The following EIF4E1B variants were observed in gnomAD, a reference collection of about 807,000 sequenced individuals.
EIF4E1B encodes eukaryotic translation initiation factor 4E type 1B.
A neutral mutation model predicts 31.3 loss-of-function variants in EIF4E1B; 22 were observed. The ratio of observed to expected loss-of-function variants is 0.70; its 90% CI spans 0.50 to 1.00. The LOEUF (loss-of-function observed/expected upper bound fraction) is 1.00. Among genes scored for constraint, EIF4E1B ranks in the 50% least tolerant of loss-of-function variants. EIF4E1B has a pLI of 0.00. For missense variants in EIF4E1B, 290 were observed against 311.6 expected, an observed-to-expected ratio of 0.93 and a Z score of 0.52; for synonymous variants, 126 against 120.2, an observed-to-expected ratio of 1.05 and a Z score of -0.31.
rs1554151052 is a variant in EIF4E1B, at chr5:176,642,857, C to CCG, written c.15+56_15+57insGC. 16 of 1,276,772 alleles carry CCG rather than the reference C, an allele frequency of 1.3e-5. 2 individuals are homozygous for CCG. The African/African-American group carries it at 2.5e-4, about 20-fold the overall frequency. The allele number at this position is 1,276,772 out of a possible 1,614,324, so 79.1% of individuals were successfully genotyped here. A position where few individuals can be genotyped will look rare whatever the true frequency, so the allele number is the denominator to read the frequency against. Reference sequence around the variant, plus strand: ...GCACCATGGCCCCGCCCTCTCCCCCCCCCCCCCCGCCCCAGGTGGGCGGGG... The same window carrying CCG: ...GCACCATGGCCCCGCCCTCTCCCCCCCGCCCCCCCCGCCCCAGGTGGGCGGGG... On this transcript the variant is annotated intron_variant, in intron 3 of 8. Coordinates refer to ENST00000318682, the MANE Select transcript of EIF4E1B (RefSeq NM_001099408.2).
In EIF4E1B at chr5:176,646,179, C is replaced by T; in HGVS notation, c.*199C>T. On this transcript the variant is annotated 3_prime_UTR_variant, in exon 9 of 9. Transcript: ENST00000318682. The stretch of plus-strand genomic sequence containing the variant: ...GGGGTAGTGGTGGCAGTCTGAGGAC[C>T]TAGCTTGTCCTGGGGCCACAGGACA... 5.5e-6 allele frequency: 3 copies of T among 544,634 alleles called. No individual in the cohort carries two copies. Among genetic ancestry groups the T allele is most frequent in the Admixed American group, 3.1e-5 (1 of 32,294 alleles). 33.7% of individuals were successfully genotyped at this position (544,634 alleles called of 1,614,324 possible). A position where few individuals can be genotyped will look rare whatever the true frequency, so the allele number is the denominator to read the frequency against.
intron 1 of EIF4E1B, among the ~76,000 whole-genome samples, chr5:176,632,118 A>G (rs1246441100): frequency 6.6e-6 from 1 of 152,186 alleles, no homozygotes; most frequent in Non-Finnish European, 1.5e-5. Context: ...TATTTTATGT[A>G]TAAGTACTTA....
At chr5:176,637,451 G>A (rs746602732) in intron 1 of EIF4E1B, among the ~76,000 whole-genome samples, 2 of 152,066 alleles carry the variant, frequency 1.3e-5, no homozygotes, top group East Asian at 1.9e-4. Context: ...AAATAAAAAG[G>A]CCTTGGGGAC....
chr5:176,636,750 C>A (rs527392677), intron 1 of EIF4E1B, among the ~76,000 whole-genome samples: 2 of 152,368 alleles, frequency 1.3e-5, no homozygotes, highest in East Asian at 3.9e-4. Context: ...ACGACGTCCT[C>A]ACGGCAATCC....
intron 1 of EIF4E1B, among the ~76,000 whole-genome samples, chr5:176,640,181 C>T (rs965700245): frequency 2.6e-5 from 4 of 152,194 alleles, no homozygotes; most frequent in East Asian, 3.9e-4. Context: ...GCCACCACGC[C>T]GGGAAGAAGC....
Position 176,645,959 on chromosome 5 carries a change from C to T in EIF4E1B, c.708C>T (p.Ala236=). Residue 236 remains alanine (A), a synonymous_variant, in exon 9 of 9, where the codon GCC becomes GCT. Coordinates refer to ENST00000318682, the MANE Select transcript of EIF4E1B (RefSeq NM_001099408.2). The surrounding 1 kb of genome is among the most constrained non-coding windows in gnomAD (Gnocchi z 5.4). ...CAGCCACCAAGAGCAACTCCCTAGCCAAGAACAAGTTTGTGGTGTGAGGGG... is the reference window on the plus strand; with the variant it reads ...CAGCCACCAAGAGCAACTCCCTAGCTAAGAACAAGTTTGTGGTGTGAGGGG... ...ADTATKSNSL[A]KNKFVV The T allele has an allele frequency of 1.2e-6, 2 of 1,608,724 alleles. No individual in the cohort carries two copies. Among genetic ancestry groups the T allele is most frequent in the Non-Finnish European group, 1.7e-6 (2 of 1,177,522 alleles).
Position 176,645,404 on chromosome 5 carries a change from G to A in EIF4E1B, c.502G>A (p.Glu168Lys). Residue 168 changes from glutamate (E) to lysine (K), a missense_variant, in exon 8 of 9, where the codon GAG becomes AAG. By Grantham distance (56) the Glu-to-Lys change is moderately conservative (BLOSUM62 1). Coordinates refer to ENST00000318682, the MANE Select transcript of EIF4E1B (RefSeq NM_001099408.2). The surrounding 1 kb of genome is among the most constrained non-coding windows in gnomAD (Gnocchi z 5.4). ...GCTGTGTCTGATCGGGGAGAGCTTT[G>A]AGGAACACAGCAGAGAGGTATGTGG... Reference protein sequence around the residue: ...TLLCLIGESFEEHSREVCGAV... With the variant: ...TLLCLIGESFKEHSREVCGAV... 1 of 1,527,392 alleles carries A rather than the reference G, an allele frequency of 6.5e-7. No homozygotes were observed. The allele number at this position is 1,527,392 out of a possible 1,614,324, so 94.6% of individuals were successfully genotyped here. A position where few individuals can be genotyped will look rare whatever the true frequency, so the allele number is the denominator to read the frequency against.
rs910692875 is a variant in EIF4E1B at position 176,646,237 on chromosome 5, G to T, written c.*257G>T. On this transcript the variant is annotated 3_prime_UTR_variant, in exon 9 of 9. Transcript: ENST00000318682. ...GGTGGAAAAAACTCCTGAGGGTGGG[G>T]TGAGTCATGGCGGGGAAGGAGGGCT... 1.4e-5 allele frequency: 6 copies of T among 430,604 alleles called. No individual in the cohort carries two copies. Among genetic ancestry groups the T allele is most frequent in the Non-Finnish European group, 2.6e-5 (6 of 234,996 alleles). The allele number at this position is 430,604 out of a possible 1,614,324, so 26.7% of individuals were successfully genotyped here. A position where few individuals can be genotyped will look rare whatever the true frequency, so the allele number is the denominator to read the frequency against.
At position 176,646,382 on chromosome 5, in the gene EIF4E1B, G is replaced by A. The variant is rs1391585213; in HGVS notation, c.*402G>A. On this transcript the variant is annotated 3_prime_UTR_variant, in exon 9 of 9. Coordinates refer to ENST00000318682, the MANE Select transcript of EIF4E1B (RefSeq NM_001099408.2). Reference sequence around the variant, plus strand: ...TGGGCTCAAGGGCACAGACATTCTGGAGGGTGAACGCCATCATTTGTACAG... The same window carrying A: ...TGGGCTCAAGGGCACAGACATTCTGAAGGGTGAACGCCATCATTTGTACAG... 3 of 187,790 alleles carry A rather than the reference G, an allele frequency of 1.6e-5. No individual in the cohort carries two copies. Among genetic ancestry groups the A allele is most frequent in the Non-Finnish European group, 3.4e-5 (3 of 88,030 alleles). The allele number at this position is 187,790 out of a possible 1,614,324, so 11.6% of individuals were successfully genotyped here.
intron 1 of EIF4E1B, among the ~76,000 whole-genome samples, chr5:176,632,433 T>A (rs1341347857): frequency 6.6e-6 from 1 of 152,198 alleles, no homozygotes; most frequent in Non-Finnish European, 1.5e-5. Flanking sequence ...TTTTTGTATT[T>A]TTAGTAGAGA....
At chr5:176,642,870 C>CCCCCCCCCCCGGG in intron 3 of EIF4E1B, 68 bp downstream of exon 3, 1 of 1,426,050 alleles carries the variant, frequency 7.0e-7, no homozygotes, top group Non-Finnish European at 9.5e-7. Flanking sequence ...CCCCCCGCCC[C>CCCCCCCCCCCGGG]AGGTGGGCGG....
chr5:176,642,417 C>T (rs933809313), intron 2 of EIF4E1B, among the ~76,000 whole-genome samples: 1 of 152,226 alleles, frequency 6.6e-6, no homozygotes, highest in Non-Finnish European at 1.5e-5. Context: ...AATGGGAGAT[C>T]ACTTGAGCCC....
chr5:176,643,588 G>A, intron 4 of EIF4E1B, 51 bp from the exon 5 acceptor site: 3 of 1,542,796 alleles, frequency 1.9e-6, no homozygotes, highest in East Asian at 2.4e-5. Flanking sequence ...TGCCCCGGGG[G>A]TGGACTTGGC....
At chr5:176,636,535 C>G (rs895120205) in intron 1 of EIF4E1B, among the ~76,000 whole-genome samples, 1 of 152,220 alleles carries the variant, frequency 6.6e-6, no homozygotes, top group African/African-American at 2.4e-5. Flanking sequence ...GGGATTCCAG[C>G]CCCGCCTGGG....
At chr5:176,640,664 A>T (rs1365282062) in intron 1 of EIF4E1B, among the ~76,000 whole-genome samples, 2 of 152,128 alleles carry the variant, frequency 1.3e-5, no homozygotes, top group Non-Finnish European at 2.9e-5. Context: ...CTACACAGCA[A>T]TCCAGAGAAC....
In EIF4E1B at chr5:176,643,613, T is replaced by C. The variant is rs1358238262; in HGVS notation, c.201-26T>C. ...GTGGACTTGGCTCTCTGCTTCCTCC[T>C]GGCTGCCTCCCCCTTCCCCTACCAG... On this transcript the variant is annotated intron_variant, in intron 4 of 8. Coordinates refer to ENST00000318682, the MANE Select transcript of EIF4E1B (RefSeq NM_001099408.2). The C allele has an allele frequency of 3.2e-6, 5 of 1,583,250 alleles. No homozygotes were observed. The South Asian group carries it at 3.4e-5, about 11-fold the overall frequency.
intron 4 of EIF4E1B, 27 bp from the exon 5 acceptor site, chr5:176,643,612 C>T (rs1760636758): frequency 6.3e-7 from 1 of 1,581,834 alleles, no homozygotes; most frequent in African/African-American, 1.3e-5. Flanking sequence ...CTGCTTCCTC[C>T]TGGCTGCCTC....
intron 1 of EIF4E1B, among the ~76,000 whole-genome samples, chr5:176,636,348 CTT>C (rs1439357810): frequency 6.6e-6 from 1 of 152,250 alleles, no homozygotes; most frequent in Non-Finnish European, 1.5e-5. Flanking sequence ...TCTGTTCTCT[CTT>C]TCCCCAGGAA....
intron 5 of EIF4E1B, 51 bp from the exon 6 acceptor site, chr5:176,644,325 C>G: frequency 1.3e-6 from 2 of 1,544,994 alleles, no homozygotes; most frequent in Non-Finnish European, 1.8e-6. Flanking sequence ...CAGTTGGAAC[C>G]AGGCCCTAAA....
Sources: gnomAD v4.1 joint callset for allele counts (sites outside exome capture counted in the v4.1 genomes callset) on GRCh38, gnomAD v4.1.1 for gene constraint, Gnocchi (gnomAD v3.1) non-coding constraint, MANE v1.5 for transcripts, NCBI Gene and HGNC (gene_info 2026-07-23, HGNC 2026-07-21) for gene names.